CCND3: variants seen among roughly 807,000 people sequenced by gnomAD.
The protein encoded by CCND3 is G1/S-specific cyclin-D3.
CCND3 carries 9 observed loss-of-function variants against 28.7 expected under a neutral mutation model. That is an observed-to-expected ratio of 0.31 (90% CI 0.19 to 0.55). CCND3 has a LOEUF of 0.55. Among genes scored for constraint, CCND3 ranks in the 20% least tolerant of loss-of-function variants. CCND3 has a pLI of 0.93. For synonymous variants in CCND3, 164 were observed against 163.9 expected (o/e 1.00, Z 0.00); for missense variants, 315 against 385.8 (o/e 0.82, Z 1.54).
At chr6:41,976,266 C>T (rs370278167) in intron 1 of CCND3, among the ~76,000 whole-genome samples, 3 of 151,840 alleles carry the variant, frequency 2.0e-5, no homozygotes, top group East Asian at 1.9e-4. Flanking sequence ...GCAGAAGAAT[C>T]GCTTGAACCT....
At chr6:41,955,784 A>C (rs939148195) in intron 1 of CCND3, among the ~76,000 whole-genome samples, 1 of 152,008 alleles carries the variant, frequency 6.6e-6, no homozygotes, top group Non-Finnish European at 1.5e-5. Flanking sequence ...TCTACAAAAA[A>C]AAATTAATTA....
At chr6:41,957,997 TATC>T (rs1345298773) in intron 1 of CCND3, among the ~76,000 whole-genome samples, 1 of 68,742 alleles carries the variant, frequency 1.5e-5, no homozygotes. Context: ...ACTTTATCTT[TATC>T]TTTTTTTTTT....
intron 1 of CCND3, among the ~76,000 whole-genome samples, chr6:41,980,010 T>TCTCACACACACACACACACACA (rs1554162937): frequency 7.3e-6 from 1 of 137,090 alleles, no homozygotes; most frequent in Non-Finnish European, 1.6e-5. Context: ...GCTTTCAAAA[T>TCTCACACACACACACACACACA]CACACACACA....
intron 1 of CCND3, among the ~76,000 whole-genome samples, chr6:42,025,654 G>T (rs1169061400): frequency 6.6e-6 from 1 of 152,188 alleles, no homozygotes; most frequent in African/African-American, 2.4e-5. Context: ...GCCCCACGAT[G>T]GCGGGCTCAG....
At chr6:41,941,920 C>G (rs1776047864), upstream of CCND3, 1 of 191,320 alleles carries the variant, frequency 5.2e-6, no homozygotes, top group Non-Finnish European at 1.1e-5. This position sits in a 1 kb window ranked among gnomAD's most constrained non-coding sequence, Gnocchi z 6.1. Context: ...TGAGCGCTCT[C>G]CCCTCCCTCC....
chr6:42,037,493 C>T (rs1236463091), intron 1 of CCND3, among the ~76,000 whole-genome samples: 4 of 151,958 alleles, frequency 2.6e-5, no homozygotes, highest in Middle Eastern at 6.8e-3. Flanking sequence ...CCTCGGCCTC[C>T]CAAAGTGCTG....
At position 42,023,435 on chromosome 6, in the gene CCND3, T is replaced by G. The variant is rs557366167; in HGVS notation, c.-46+25066A>C. 2.0e-5 allele frequency among the ~76,000 whole-genome samples: 3 copies of G among 152,250 alleles called. No individual in the cohort carries two copies. In the South Asian group the frequency reaches 6.2e-4, roughly 32 times the overall value. ...TGAGTTAACTATATATTCAATAAGG[T>G]GTCTTCAAACAGAAACACACAGAAA... On this transcript the variant is annotated intron_variant, in intron 1 of 4. Coordinates refer to the CCND3 transcript ENST00000372988.
At chr6:42,028,975 T>G (rs866381945) in intron 1 of CCND3, among the ~76,000 whole-genome samples, 1 of 151,062 alleles carries the variant, frequency 6.6e-6, no homozygotes, top group Middle Eastern at 3.4e-3. Context: ...GAAACGGTTT[T>G]TTTTTTTTTT....
chr6:41,940,692 A>AGG (rs1382550615), intron 1 of CCND3, 107 bp from the exon 2 acceptor site: 1 of 817,668 alleles, frequency 1.2e-6, no homozygotes, highest in East Asian at 2.6e-5. Context: ...AACGGCAGAG[A>AGG]GGGTAAGCTA....
chr6:41,941,774 G>T lies in CCND3; in HGVS notation c.-125C>A. On this transcript the variant is annotated 5_prime_UTR_variant, in exon 1 of 5. Transcript: ENST00000372991. The surrounding 1 kb of genome is among the most constrained non-coding windows in gnomAD (Gnocchi z 6.1). ...GCACTGCGCGGCGGATCCCCAGCCC[G>T]CCCGCCGCCCGCGCGCGCGCGCCGC... is the stretch of plus-strand genomic sequence containing the variant. The T allele has an allele frequency of 2.4e-6, 1 of 409,264 alleles. No homozygotes were observed. Among genetic ancestry groups the T allele is most frequent in the East Asian group, 5.1e-5 (1 of 19,530 alleles). The allele number at this position is 409,264 out of a possible 1,614,324, so 25.4% of individuals were successfully genotyped here. A position where few individuals can be genotyped will look rare whatever the true frequency, so the allele number is the denominator to read the frequency against.
chr6:42,023,772 G>A (rs999421568), intron 1 of CCND3, among the ~76,000 whole-genome samples: 1 of 152,022 alleles, frequency 6.6e-6, no homozygotes, highest in Non-Finnish European at 1.5e-5. Flanking sequence ...TGCAAGCAGG[G>A]TCCTGACCCT....
At chr6:42,000,584 T>TTTTTTTTTG (rs1582148276) in intron 1 of CCND3, among the ~76,000 whole-genome samples, 3 of 147,064 alleles carry the variant, frequency 2.0e-5, no homozygotes, top group African/African-American at 2.5e-5. Context: ...TTTTTTTTTC[T>TTTTTTTTTG]GAGACGGAGT....
At chr6:41,989,408 T>A (rs1408870474) in intron 1 of CCND3, among the ~76,000 whole-genome samples, 1 of 143,446 alleles carries the variant, frequency 7.0e-6, no homozygotes, top group Non-Finnish European at 1.5e-5. Flanking sequence ...TGAGCAAGAT[T>A]GTGCCATTGT....
intron 3 of CCND3, 56 bp downstream of exon 3, chr6:41,937,178 AC>A (rs1428026947): frequency 6.4e-7 from 1 of 1,573,602 alleles, no homozygotes; most frequent in South Asian, 1.1e-5. Context: ...GTTACCTCTC[AC>A]CCTTATAAGT....
upstream of CCND3, among the ~76,000 whole-genome samples, chr6:41,944,168 C>CA (rs1223513798): frequency 6.7e-6 from 1 of 149,248 alleles, no homozygotes; most frequent in Non-Finnish European, 1.5e-5. Flanking sequence ...CCTATCTCTA[C>CA]AAAAAATAAA....
rs549417016 is a variant in CCND3, at chr6:41,941,104, A to G, written c.198+348T>C. ...CTCCCGGGCGGGGGCGGCCGAGCCC[A>G]GGGTTTTCCAGGCGCGCTCTCCGGA... On this transcript the variant is annotated intron_variant, in intron 1 of 4. Transcript: ENST00000372991. This position sits in a 1 kb window ranked among gnomAD's most constrained non-coding sequence, Gnocchi z 6.1. The G allele has an allele frequency of 1.2e-5, 18 of 1,525,370 alleles. No individual in the cohort carries two copies. The Admixed American group carries it at 3.1e-4, about 26-fold the overall frequency. 94.5% of individuals were successfully genotyped at this position (1,525,370 alleles called of 1,614,324 possible).
intron 1 of CCND3, among the ~76,000 whole-genome samples, chr6:41,985,400 G>T (rs1398028039): frequency 1.5e-5 from 2 of 131,076 alleles, no homozygotes; most frequent in East Asian, 5.2e-4. Context: ...TGCAACCTCC[G>T]CCTCCCGGGT....
chr6:42,009,994 A>G (rs1371262386), intron 1 of CCND3, among the ~76,000 whole-genome samples: 2 of 152,164 alleles, frequency 1.3e-5, no homozygotes, highest in African/African-American at 2.4e-5. Flanking sequence ...CAGGCCCTCC[A>G]AGGAATGCAG....
At chr6:41,947,640 C>G (rs1251276821) in intron 1 of CCND3, among the ~76,000 whole-genome samples, 2 of 152,186 alleles carry the variant, frequency 1.3e-5, no homozygotes, top group Non-Finnish European at 2.9e-5. Flanking sequence ...TCCTCTGTTA[C>G]TTCCTCTGTC....
Sources: gnomAD v4.1 joint callset for allele counts (sites outside exome capture counted in the v4.1 genomes callset) on GRCh38, gnomAD v4.1.1 for gene constraint, Gnocchi (gnomAD v3.1) non-coding constraint, MANE v1.5 for transcripts, NCBI Gene and HGNC (gene_info 2026-07-23, HGNC 2026-07-21) for gene names.